BABAM2: variants seen among roughly 807,000 people sequenced by gnomAD.
The protein encoded by BABAM2 is BRISC and BRCA1-A complex member 2.
In BABAM2, 31 loss-of-function variants were observed where a neutral mutation model predicts 54.7. The observed-to-expected ratio is 0.57, with a 90% CI of 0.43 to 0.77. The LOEUF (loss-of-function observed/expected upper bound fraction) is 0.77. Ranked by LOEUF, BABAM2 falls within the 30% of genes least tolerant of loss-of-function variation. The pLI, the probability that BABAM2 is intolerant of heterozygous loss-of-function variation, is 0.00. For synonymous variants in BABAM2, 167 were observed against 162.9 expected (o/e 1.03, Z -0.19); for missense variants, 364 against 455.8 (o/e 0.80, Z 1.83).
chr2:27,898,550 T>C (rs1217639736), intron 2 of BABAM2, among the ~76,000 whole-genome samples: 1 of 152,168 alleles, frequency 6.6e-6, no homozygotes, highest in Non-Finnish European at 1.5e-5. Flanking sequence ...CAAATGTCCA[T>C]CAGGTGATGA....
intron 2 of BABAM2, among the ~76,000 whole-genome samples, chr2:27,905,263 T>A (rs1015043621): frequency 1.3e-5 from 2 of 151,950 alleles, no homozygotes; most frequent in African/African-American, 4.8e-5. Flanking sequence ...GGAAGTCAGA[T>A]TGGATAGGGG....
intron 11 of BABAM2, among the ~76,000 whole-genome samples, chr2:28,324,508 T>C (rs1034945974): frequency 1.3e-5 from 2 of 151,704 alleles, no homozygotes; most frequent in Non-Finnish European, 2.9e-5. Flanking sequence ...GCATGGTGGC[T>C]CACACCTATA....
chr2:27,978,959 A>G (rs942185615), intron 3 of BABAM2, among the ~76,000 whole-genome samples: 1 of 152,108 alleles, frequency 6.6e-6, no homozygotes, highest in African/African-American at 2.4e-5. Flanking sequence ...TATTGCTGCA[A>G]AGGACATGAT....
intron 6 of BABAM2, among the ~76,000 whole-genome samples, chr2:28,115,440 C>T (rs751321073): frequency 1.6e-4 from 24 of 151,896 alleles, no homozygotes; most frequent in Non-Finnish European, 2.6e-4. Flanking sequence ...TCCTGGCTAA[C>T]ACGATGAAAC....
At chr2:28,138,442 G>T (rs1421512935) in intron 7 of BABAM2, among the ~76,000 whole-genome samples, 1 of 152,082 alleles carries the variant, frequency 6.6e-6, no homozygotes, top group African/African-American at 2.4e-5. Flanking sequence ...CTTCACCCTA[G>T]AAAAATATAT....
In BABAM2 at chr2:28,198,698, G is replaced by A. The variant is rs1042798164; in HGVS notation, c.681-38504G>A. Among the ~76,000 whole-genome samples, 5 of 152,184 alleles carry A rather than the reference G, an allele frequency of 3.3e-5. No homozygotes were observed. In the East Asian group the frequency reaches 7.7e-4, roughly 23 times the overall value. On this transcript the variant is annotated intron_variant, in intron 7 of 11. Coordinates refer to ENST00000379624, the MANE Select transcript of BABAM2 (RefSeq NM_199191.3). The stretch of plus-strand genomic sequence containing the variant: ...TGTGTTGCCCTTGAGAGATTAGATC[G>A]TATAGTTGGCCAAAACATTTTTCAC...
At chr2:28,208,894 C>T (rs1284852098) in intron 7 of BABAM2, among the ~76,000 whole-genome samples, 3 of 152,054 alleles carry the variant, frequency 2.0e-5, no homozygotes, top group South Asian at 2.1e-4. Context: ...GTAGGATTCA[C>T]CCGTCTTTCT....
At chr2:28,132,352 A>G (rs1449125096) in intron 7 of BABAM2, among the ~76,000 whole-genome samples, 1 of 151,660 alleles carries the variant, frequency 6.6e-6, no homozygotes, top group Non-Finnish European at 1.5e-5. Flanking sequence ...GTTAGCCAGG[A>G]TGGTCTCAAA....
chr2:27,984,556 A>C (rs887327634), intron 3 of BABAM2, among the ~76,000 whole-genome samples: 2 of 152,082 alleles, frequency 1.3e-5, no homozygotes, highest in Admixed American at 6.6e-5. Flanking sequence ...CTTCTGAAGG[A>C]TACATTTTCT....
At position 28,174,226 on chromosome 2, in the gene BABAM2, G is replaced by A. The variant is rs1194118602; in HGVS notation, c.680+44846G>A. Reference sequence around the variant, plus strand: ...GACTGTGTTCTAAACCTTTGGGAAGGCCACTCATTCACTAATTAAACAAAG... The same window carrying A: ...GACTGTGTTCTAAACCTTTGGGAAGACCACTCATTCACTAATTAAACAAAG... On this transcript the variant is annotated intron_variant, in intron 7 of 11. Transcript: ENST00000379624. 3.9e-5 allele frequency among the ~76,000 whole-genome samples: 6 copies of A among 152,126 alleles called. No individual in the cohort carries two copies. The East Asian group carries it at 1.2e-3, about 29-fold the overall frequency.
In BABAM2 at chr2:28,059,946, AT is replaced by A. The variant is rs1307401143; in HGVS notation, c.570+14148del. 2.6e-5 allele frequency among the ~76,000 whole-genome samples: 4 copies of A among 152,370 alleles called. No individual in the cohort carries two copies. In the East Asian group the frequency reaches 7.7e-4, roughly 29 times the overall value. On this transcript the variant is annotated intron_variant, in intron 6 of 11. Coordinates refer to ENST00000379624, the MANE Select transcript of BABAM2 (RefSeq NM_199191.3). ...ACCAATCATTTAAGGAAGAAATAGT[AT>A]AGAAAATCTTTGGGAAAATTGAAAA... is the stretch of plus-strand genomic sequence containing the variant.
At chr2:28,293,258 T>C (rs1192457736) in intron 10 of BABAM2, among the ~76,000 whole-genome samples, 2 of 152,224 alleles carry the variant, frequency 1.3e-5, no homozygotes, top group Non-Finnish European at 2.9e-5. Flanking sequence ...GGCATTTCTT[T>C]TGGCTATTCA....
chr2:27,971,761 T>C (rs1216947055), intron 3 of BABAM2, among the ~76,000 whole-genome samples: 1 of 152,130 alleles, frequency 6.6e-6, no homozygotes, highest in African/African-American at 2.4e-5. Flanking sequence ...AAAATTATAT[T>C]TAATTCTGAA....
intron 6 of BABAM2, among the ~76,000 whole-genome samples, chr2:28,127,311 T>C (rs1669638429): frequency 6.6e-6 from 1 of 152,164 alleles, no homozygotes; most frequent in Non-Finnish European, 1.5e-5. Context: ...GTCACCCATG[T>C]CAAATACTGT....
chr2:28,031,652 T>C lies in BABAM2; in HGVS notation c.495+6232T>C, dbSNP rs1676299082. On this transcript the variant is annotated intron_variant, in intron 5 of 11. Transcript: ENST00000379624. ...TTAATCTGTATCTCTAAAAGAGGAATTTGAACAATACTGGATAGATTACAT... is the reference window on the plus strand; with the variant it reads ...TTAATCTGTATCTCTAAAAGAGGAACTTGAACAATACTGGATAGATTACAT... Among the ~76,000 whole-genome samples the C allele has an allele frequency of 2.0e-5, 3 of 152,240 alleles. No homozygotes were observed. The South Asian group carries it at 6.2e-4, about 32-fold the overall frequency.
chr2:28,081,842 G>C (rs1185232596), intron 6 of BABAM2, among the ~76,000 whole-genome samples: 1 of 152,116 alleles, frequency 6.6e-6, no homozygotes, highest in African/African-American at 2.4e-5. Flanking sequence ...ACATGATACG[G>C]ATAACAAAAA....
At chr2:28,272,138 A>G (rs905405939) in intron 10 of BABAM2, among the ~76,000 whole-genome samples, 2 of 152,208 alleles carry the variant, frequency 1.3e-5, no homozygotes, top group Non-Finnish European at 2.9e-5. Flanking sequence ...GAGACAAAAG[A>G]TTCCTTCTGG....
At chr2:28,121,524 T>A (rs1669067711) in intron 6 of BABAM2, among the ~76,000 whole-genome samples, 1 of 152,176 alleles carries the variant, frequency 6.6e-6, no homozygotes, top group Non-Finnish European at 1.5e-5. Context: ...CAAATTTTGA[T>A]TGGGGCTGTA....
Position 28,325,576 on chromosome 2 carries a change from A to G in BABAM2, c.1089-12874A>G, listed in dbSNP as rs1473880680. Among the ~76,000 whole-genome samples the G allele has an allele frequency of 6.6e-6, 1 of 152,196 alleles. No homozygotes were observed. Among genetic ancestry groups the G allele is most frequent in the Non-Finnish European group, 1.5e-5 (1 of 68,038 alleles). On this transcript the variant is annotated intron_variant, in intron 11 of 11. Coordinates refer to ENST00000379624, the MANE Select transcript of BABAM2 (RefSeq NM_199191.3). The surrounding 1 kb of genome is among the most constrained non-coding windows in gnomAD (Gnocchi z 4.3). ...GAGTGGAGCTTGGACACCCTCTCCC[A>G]TTGAGTAGTTTCTTCTTTGGGAATT...
Sources: gnomAD v4.1 joint callset for allele counts (sites outside exome capture counted in the v4.1 genomes callset) on GRCh38, gnomAD v4.1.1 for gene constraint, Gnocchi (gnomAD v3.1) non-coding constraint, MANE v1.5 for transcripts, NCBI Gene and HGNC (gene_info 2026-07-23, HGNC 2026-07-21) for gene names.